Variants in BANF2 observed in about 807,000 individuals in gnomAD.
BANF2 encodes the protein barrier-to-autointegration factor-like protein.
A neutral mutation model predicts 8.0 loss-of-function variants in BANF2; 4 were observed. The observed-to-expected ratio is 0.50, with a 90% CI of 0.25 to 1.14. The LOEUF is 1.14. Among genes scored for constraint, BANF2 ranks in the 50% most tolerant of loss-of-function variants. The pLI is 0.16. For missense variants in BANF2, 96 were observed against 107.5 expected, an observed-to-expected ratio of 0.89 and a Z score of 0.47; for synonymous variants, 50 against 40.6, an observed-to-expected ratio of 1.23 and a Z score of -0.88.
chr20:17,714,466 G>T (rs2037622634), intron 1 of BANF2, among the ~76,000 whole-genome samples: 2 of 152,206 alleles, frequency 1.3e-5, no homozygotes, highest in South Asian at 4.1e-4. Flanking sequence ...AGCCTAGATG[G>T]AATTTTATAG....
chr20:17,722,722 C>T lies in BANF2; in HGVS notation c.-160C>T, dbSNP rs557164311. ...CTTTTGCTCCCCTTCCTAGAATCTG[C>T]TGACACATCAAGGCCACTTTTCTTA... On this transcript the variant is annotated 5_prime_UTR_variant, in exon 2 of 4. Coordinates refer to ENST00000246090, the MANE Select transcript of BANF2 (RefSeq NM_178477.5). The T allele has an allele frequency of 4.1e-6, 4 of 984,394 alleles. No homozygotes were observed. In the South Asian group the frequency reaches 1.9e-4, roughly 46 times the overall value. The allele number at this position is 984,394 out of a possible 1,614,324, so 61.0% of individuals were successfully genotyped here. A position where few individuals can be genotyped will look rare whatever the true frequency, so the allele number is the denominator to read the frequency against.
chr20:17,703,442 T>C (rs746843261), intron 1 of BANF2, among the ~76,000 whole-genome samples: 36 of 152,120 alleles, frequency 2.4e-4, no homozygotes, highest in Non-Finnish European at 4.3e-4. Flanking sequence ...CCTCCTTCAG[T>C]GAGGAGGAAA....
At chr20:17,719,407 T>G (rs2037698475) in intron 1 of BANF2, among the ~76,000 whole-genome samples, 1 of 152,068 alleles carries the variant, frequency 6.6e-6, no homozygotes, top group African/African-American at 2.4e-5. Flanking sequence ...GCTGGGATTA[T>G]AGGTGTGAGC....
At chr20:17,730,835 G>T (rs906951277) in intron 3 of BANF2, among the ~76,000 whole-genome samples, 1 of 152,242 alleles carries the variant, frequency 6.6e-6, no homozygotes. Flanking sequence ...CAAGGGGCCC[G>T]TCACGTAAGT....
chr20:17,714,471 T>C (rs2037622728), intron 1 of BANF2, among the ~76,000 whole-genome samples: 1 of 152,180 alleles, frequency 6.6e-6, no homozygotes, highest in Non-Finnish European at 1.5e-5. Context: ...AGATGGAATT[T>C]TATAGACAAG....
intron 1 of BANF2, among the ~76,000 whole-genome samples, chr20:17,718,438 G>A (rs538680776): frequency 6.6e-6 from 1 of 152,260 alleles, no homozygotes; most frequent in African/African-American, 2.4e-5. Context: ...GCCTCCCGAA[G>A]CGCTGGGATT....
intron 1 of BANF2, among the ~76,000 whole-genome samples, chr20:17,700,785 A>G (rs1306366154): frequency 1.3e-5 from 2 of 152,204 alleles, no homozygotes; most frequent in African/African-American, 4.8e-5. Context: ...TTTGAGACTC[A>G]AGGCCTTCTA....
At chr20:17,712,531 G>A (rs949588357) in intron 1 of BANF2, 18 of 984,182 alleles carry the variant, frequency 1.8e-5, no homozygotes, top group Non-Finnish European at 2.2e-5. Flanking sequence ...ACTTCTGGAT[G>A]TTTGTTCAGG....
chr20:17,720,941 C>T (rs370737421), intron 1 of BANF2, among the ~76,000 whole-genome samples: 6 of 152,142 alleles, frequency 3.9e-5, no homozygotes, highest in South Asian at 2.1e-4. Context: ...ATCTGAGGCC[C>T]GTCCCAGACC....
intron 1 of BANF2, among the ~76,000 whole-genome samples, chr20:17,702,285 A>G (rs957614329): frequency 3.3e-5 from 5 of 152,288 alleles, no homozygotes; most frequent in Admixed American, 1.3e-4. Flanking sequence ...GCCCTGATGG[A>G]TGCTGAACTC....
intron 1 of BANF2, among the ~76,000 whole-genome samples, chr20:17,706,433 G>A (rs1200939315): frequency 6.6e-6 from 1 of 152,178 alleles, no homozygotes; most frequent in Non-Finnish European, 1.5e-5. Flanking sequence ...AGCTTAACAC[G>A]AAGGATTCAA....
At chr20:17,716,541 C>T (rs1600220694) in intron 1 of BANF2, among the ~76,000 whole-genome samples, 1 of 150,868 alleles carries the variant, frequency 6.6e-6, no homozygotes, top group African/African-American at 2.4e-5. Flanking sequence ...CCCAGGCTCA[C>T]CCGTCTTTCC....
chr20:17,722,277 C>T (rs1037280521), intron 1 of BANF2, among the ~76,000 whole-genome samples: 1 of 152,242 alleles, frequency 6.6e-6, no homozygotes, highest in African/African-American at 2.4e-5. Flanking sequence ...CATTACCCGT[C>T]TTTGATGCTG....
At chr20:17,695,445 CAAAAAAAAAAAAA>C (rs71192401), upstream of BANF2, among the ~76,000 whole-genome samples, 1 of 51,358 alleles carries the variant, frequency 1.9e-5, no homozygotes, top group Non-Finnish European at 3.3e-5. Flanking sequence ...GACCTTGTCT[CAAAAAAAAAAAAA>C]AAAAAAAAAA....
chr20:17,723,007 C>G (rs189896929), intron 2 of BANF2, 129 bp downstream of exon 2: 1 of 582,396 alleles, frequency 1.7e-6, no homozygotes, highest in African/African-American at 2.0e-5. Flanking sequence ...GATTGGGGAG[C>G]AAAGGCCATT....
At chr20:17,715,891 T>C (rs982656639) in intron 1 of BANF2, among the ~76,000 whole-genome samples, 2 of 152,268 alleles carry the variant, frequency 1.3e-5, no homozygotes, top group Admixed American at 1.3e-4. Flanking sequence ...CAGGCATGTC[T>C]AAATCCAGGC....
Position 17,711,994 on chromosome 20 carries a change from C to T in BANF2, c.-166-10722C>T, listed in dbSNP as rs111667263. On this transcript the variant is annotated intron_variant, in intron 1 of 3. Transcript: ENST00000246090. ...CGTCCTTCCTAAAGAGTGATGGCTG[C>T]CAGGTGGGTGTGGAGACAGGTGCTG... is the stretch of plus-strand genomic sequence containing the variant. Among the ~76,000 whole-genome samples the T allele has an allele frequency of 3.4e-3, 525 of 152,322 alleles. 3 individuals carry two copies. Among genetic ancestry groups the T allele is most frequent in the African/African-American group, 0.012 (494 of 41,574 alleles).
At chr20:17,695,445 CAAAAAAAAA>C (rs71192401), upstream of BANF2, among the ~76,000 whole-genome samples, 1 of 51,358 alleles carries the variant, frequency 1.9e-5, no homozygotes, top group South Asian at 9.7e-4. Flanking sequence ...GACCTTGTCT[CAAAAAAAAA>C]AAAAAAAAAA....
At chr20:17,724,994 A>T in intron 2 of BANF2, 29 bp from the exon 3 acceptor site, 1 of 1,595,646 alleles carries the variant, frequency 6.3e-7, no homozygotes, top group Non-Finnish European at 8.6e-7. Flanking sequence ...GTATCTGCTA[A>T]TCCTCCTCTC....
Sources: allele counts gnomAD v4.1 joint callset (sites outside exome capture counted in the v4.1 genomes callset), GRCh38; gene constraint gnomAD v4.1.1; transcripts MANE v1.5; gene names NCBI Gene and HGNC (gene_info 2026-07-23, HGNC 2026-07-21).